SBNO1: variants seen among roughly 807,000 people sequenced by gnomAD.
SBNO1 encodes protein strawberry notch homolog 1.
In SBNO1, 23 loss-of-function variants were observed where a neutral mutation model predicts 173.6. The observed-to-expected ratio is 0.13, with a 90% CI of 0.10 to 0.19. SBNO1 has a LOEUF of 0.19. Ranked by LOEUF, SBNO1 falls within the 10% of genes least tolerant of loss-of-function variation. The probability of loss-of-function intolerance (pLI) is 1.00; values close to 1 mark genes in which losing one functional copy is unlikely to be tolerated. For missense variants in SBNO1, 1,238 were observed against 1,671.2 expected (o/e 0.74, Z 4.52); for synonymous variants, 632 against 571.5 (o/e 1.11, Z -1.51).
At chr12:123,324,466 T>G (rs940528225) in intron 15 of SBNO1, among the ~76,000 whole-genome samples, 4 of 151,624 alleles carry the variant, frequency 2.6e-5, no homozygotes, top group African/African-American at 7.3e-5. Context: ...GGATTACAGG[T>G]GCCCGCCACC....
At chr12:123,328,639 C>G (rs1870849626) in intron 10 of SBNO1, 95 bp downstream of exon 10, 3 of 1,011,214 alleles carry the variant, frequency 3.0e-6, no homozygotes, top group Non-Finnish European at 4.1e-6. Context: ...ACTCCAGCAA[C>G]TCGTTTAATC....
chr12:123,313,571 A>G (rs770147505), intron 24 of SBNO1, 49 bp downstream of exon 24: 1 of 994,092 alleles, frequency 1.0e-6, no homozygotes, highest in Non-Finnish European at 1.6e-6. Context: ...GTTTGAGTAC[A>G]TCTTTGTCAA....
rs2048999616 is a variant in SBNO1 at position 123,309,331 on chromosome 12, A to G, written c.3609T>C (p.Asp1203=). Residue 1203 remains aspartate, a synonymous_variant, in exon 28 of 32, where the codon GAT becomes GAC. Transcript: ENST00000602398. ...GTACTTGCAATGACAAGTAAAAGCCATCGTCTGGTCCTGTCAGCTCAGCCC... is the reference window on the plus strand; with the variant it reads ...GTACTTGCAATGACAAGTAAAAGCCGTCGTCTGGTCCTGTCAGCTCAGCCC... ...KIWAELTGPD[D]GFYLSLQIRN... is the part of the protein sequence containing the mutation. The G allele has an allele frequency of 6.2e-7, 1 of 1,613,950 alleles. No individual in the cohort carries two copies. Among genetic ancestry groups the G allele is most frequent in the Admixed American group, 1.7e-5 (1 of 60,004 alleles).
chr12:123,309,026 T>C (rs1452741531), intron 28 of SBNO1, among the ~76,000 whole-genome samples: 2 of 151,168 alleles, frequency 1.3e-5, no homozygotes, highest in African/African-American at 2.4e-5. Context: ...GCTGAGATCG[T>C]GCCATTGCAC....
At chr12:123,340,493 A>G (rs554093760) in intron 5 of SBNO1, among the ~76,000 whole-genome samples, 12 of 150,260 alleles carry the variant, frequency 8.0e-5, no homozygotes, top group African/African-American at 3.0e-4. Flanking sequence ...AGGTGGGAGA[A>G]TCACTTGAAC....
intron 30 of SBNO1, among the ~76,000 whole-genome samples, chr12:123,298,393 A>G (rs1399118191): frequency 3.3e-5 from 5 of 151,792 alleles, no homozygotes; most frequent in Non-Finnish European, 7.4e-5. Flanking sequence ...CAGCCTCCCG[A>G]GTAACTGGGA....
rs759586156 is a variant in SBNO1, at chr12:123,296,005, A to C, written c.4085T>G (p.Leu1362Arg). The C allele has an allele frequency of 2.5e-6, 4 of 1,614,050 alleles. No homozygotes were observed. Among genetic ancestry groups the C allele is most frequent in the Non-Finnish European group, 3.4e-6 (4 of 1,179,900 alleles). Reference protein sequence around the residue: ...ANCVSPLVNLLSTSDQSQQLA... With the variant: ...ANCVSPLVNLRSTSDQSQQLA... ...CTGTTGAGACTGGTCTGAAGTTGATAGGAGATTTACAAGAGGAGACACACA... is the reference window on the plus strand; with the variant it reads ...CTGTTGAGACTGGTCTGAAGTTGATCGGAGATTTACAAGAGGAGACACACA... Residue 1362 changes from leucine (L) to arginine (R), a missense_variant, in exon 32 of 32, where the codon CTA (leucine) becomes CGA (arginine). Around this residue, in one of 14 missense-constraint regions of SBNO1, gnomAD observed 351 missense variants for 420.3 expected, o/e 0.84. Transcript: ENST00000602398.
intron 20 of SBNO1, among the ~76,000 whole-genome samples, chr12:123,318,555 A>T (rs1167139184): frequency 6.6e-6 from 1 of 151,866 alleles, no homozygotes; most frequent in Non-Finnish European, 1.5e-5. Context: ...CAATATGGTG[A>T]AACCTGTCTC....
In SBNO1 at chr12:123,315,537, C is replaced by T. The variant is rs1869167708; in HGVS notation, c.3048+11G>A. 1 of 1,597,894 alleles carries T rather than the reference C, an allele frequency of 6.3e-7. No individual in the cohort carries two copies. The highest frequency in any genetic ancestry group is 8.6e-7 in the Non-Finnish European group (1 of 1,165,476). On this transcript the variant is annotated intron_variant, in intron 22 of 31. Coordinates refer to ENST00000602398, the MANE Select transcript of SBNO1 (RefSeq NM_001167856.3). ...ATCATTTACACACAGCCACACAACT[C>T]CAAAACTCACCAAACTCTCAAGTCT... is the stretch of plus-strand genomic sequence containing the variant.
chr12:123,362,173 A>C (rs1452667186), intron 1 of SBNO1, among the ~76,000 whole-genome samples: 2 of 149,882 alleles, frequency 1.3e-5, no homozygotes, highest in African/African-American at 4.9e-5. Flanking sequence ...GTGGTGGCTC[A>C]CGCCTGCAAT....
At chr12:123,321,161 ACTCCCAGC>A (rs1869925422) in intron 17 of SBNO1, among the ~76,000 whole-genome samples, 1 of 151,838 alleles carries the variant, frequency 6.6e-6, no homozygotes, top group South Asian at 2.1e-4. Flanking sequence ...CTGATCTCGA[ACTCCCAGC>A]CTCAGGTGAT....
intron 11 of SBNO1, 34 bp from the exon 12 acceptor site, chr12:123,327,846 GA>G: frequency 1.3e-6 from 2 of 1,596,912 alleles, no homozygotes; most frequent in Non-Finnish European, 1.7e-6. Context: ...TATTATAGTT[GA>G]AAAAATAACC....
At position 123,321,759 on chromosome 12, in the gene SBNO1, C is replaced by G. The variant is rs757268863; in HGVS notation, c.2126-27G>C. The G allele has an allele frequency of 4.4e-6, 7 of 1,585,990 alleles. No homozygotes were observed. The South Asian group carries it at 5.5e-5, about 13-fold the overall frequency. The stretch of plus-strand genomic sequence containing the variant: ...TACCCTCCGCCACAAACAAGAGAGT[C>G]AGCCCAAATTCAATGTTTCTTAAGA... On this transcript the variant is annotated intron_variant, in intron 16 of 31. Transcript: ENST00000602398.
intron 4 of SBNO1, among the ~76,000 whole-genome samples, chr12:123,343,896 G>T (rs1017838318): frequency 6.6e-6 from 1 of 152,122 alleles, no homozygotes; most frequent in Non-Finnish European, 1.5e-5. Context: ...TACATGGATA[G>T]TCTTGCTGTG....
rs1020207461 is a variant in SBNO1 at position 123,302,707 on chromosome 12, G to A, written c.3845+117C>T. On this transcript the variant is annotated intron_variant, in intron 30 of 31. Transcript: ENST00000602398. ...AAATATTCCTGATGGAACACACCACGCCTGACAATACTTAATCTGTTAGTT... is the reference window on the plus strand; with the variant it reads ...AAATATTCCTGATGGAACACACCACACCTGACAATACTTAATCTGTTAGTT... The A allele has an allele frequency of 1.4e-6, 1 of 740,670 alleles. No homozygotes were observed. Among genetic ancestry groups the A allele is most frequent in the Non-Finnish European group, 2.4e-6 (1 of 409,436 alleles). 45.9% of individuals were successfully genotyped at this position (740,670 alleles called of 1,614,324 possible).
chr12:123,362,843 C>T (rs1054017733), intron 1 of SBNO1, among the ~76,000 whole-genome samples: 13 of 150,330 alleles, frequency 8.6e-5, no homozygotes, highest in Non-Finnish European at 1.6e-4. Context: ...CCCACCACTT[C>T]GGGAAGCGGA....
At chr12:123,326,004 C>T (rs1429104472) in intron 14 of SBNO1, 148 bp downstream of exon 14, 1 of 534,112 alleles carries the variant, frequency 1.9e-6, no homozygotes, top group East Asian at 3.0e-5. Flanking sequence ...TCTAAGCAGG[C>T]ATTGCTTTTA....
chr12:123,310,269 T>C (rs1215140787), intron 25 of SBNO1, among the ~76,000 whole-genome samples: 3 of 152,220 alleles, frequency 2.0e-5, no homozygotes, highest in East Asian at 3.8e-4. Context: ...CTTGCTCTGC[T>C]GTTGCCCAGG....
intron 7 of SBNO1, among the ~76,000 whole-genome samples, chr12:123,333,479 A>G (rs1018643239): frequency 6.6e-6 from 1 of 152,098 alleles, no homozygotes; most frequent in African/African-American, 2.4e-5. Flanking sequence ...GAATGGGTAT[A>G]TATACACACA....
Sources: allele counts gnomAD v4.1 joint callset (sites outside exome capture counted in the v4.1 genomes callset), GRCh38; gene constraint gnomAD v4.1.1; regional missense constraint gnomAD v4.1.1; transcripts MANE v1.5; gene names NCBI Gene and HGNC (gene_info 2026-07-23, HGNC 2026-07-21).